Variants in C1orf87 observed in about 807,000 individuals in gnomAD.
C1orf87 encodes the protein uncharacterized protein C1orf87.
C1orf87 carries 58 observed loss-of-function variants against 60.5 expected under a neutral mutation model. The observed-to-expected ratio is 0.96, with a 90% CI of 0.78 to 1.19. The LOEUF (loss-of-function observed/expected upper bound fraction) is 1.19, where lower values mean the gene tolerates loss of function less well. C1orf87 is among the 50% of genes most tolerant of loss of function. The pLI is 0.00. For missense variants in C1orf87, 673 were observed against 638.6 expected, an observed-to-expected ratio of 1.05 and a Z score of -0.58; for synonymous variants, 236 against 227.4, an observed-to-expected ratio of 1.04 and a Z score of -0.34.
chr1:59,998,147 AG>A (rs1325811437), intron 10 of C1orf87, among the ~76,000 whole-genome samples: 8 of 137,382 alleles, frequency 5.8e-5, no homozygotes, highest in Non-Finnish European at 1.1e-4. Context: ...TGGGGTCTGC[AG>A]GGGGTAGACT....
chr1:60,030,320 G>T (rs1228771699), intron 7 of C1orf87, among the ~76,000 whole-genome samples: 5 of 152,164 alleles, frequency 3.3e-5, no homozygotes, highest in Non-Finnish European at 5.9e-5. Flanking sequence ...TACTTTTAAG[G>T]CAGAGCTTCC....
chr1:59,998,129 T>G (rs1266297990), intron 10 of C1orf87, among the ~76,000 whole-genome samples: 1 of 140,680 alleles, frequency 7.1e-6, no homozygotes, highest in African/African-American at 2.6e-5. Context: ...TACTCTGTTT[T>G]GTACTAGTGG....
intron 7 of C1orf87, among the ~76,000 whole-genome samples, chr1:60,032,429 C>CA (rs1645245026): frequency 7.8e-6 from 1 of 129,024 alleles, no homozygotes; most frequent in African/African-American, 2.8e-5. Context: ...CTTTGAGACT[C>CA]AGGTTTTTTT....
Position 59,990,453 on chromosome 1 carries a change from C to T in C1orf87, c.*220G>A. The T allele has an allele frequency of 5.4e-6, 2 of 372,118 alleles. No homozygotes were observed. The highest frequency in any genetic ancestry group is 4.2e-5 in the East Asian group (1 of 23,536). 23.1% of individuals were successfully genotyped at this position (372,118 alleles called of 1,614,324 possible). Reference sequence around the variant, plus strand: ...AGATTCTAAGTAGCTGGGTTCTTGCCACATCAAAAGATAAAACTAGGTTTC... The same window carrying T: ...AGATTCTAAGTAGCTGGGTTCTTGCTACATCAAAAGATAAAACTAGGTTTC... On this transcript the variant is annotated 3_prime_UTR_variant, in exon 12 of 12. Coordinates refer to ENST00000371201, the MANE Select transcript of C1orf87 (RefSeq NM_152377.3).
At chr1:60,033,109 T>G (rs1645250822) in intron 7 of C1orf87, among the ~76,000 whole-genome samples, 1 of 152,122 alleles carries the variant, frequency 6.6e-6, no homozygotes, top group Non-Finnish European at 1.5e-5. Context: ...TAAAATTTGG[T>G]TTTGCTAAGG....
At chr1:60,061,324 T>C (rs976245990) in intron 2 of C1orf87, among the ~76,000 whole-genome samples, 2 of 152,166 alleles carry the variant, frequency 1.3e-5, no homozygotes, top group Non-Finnish European at 2.9e-5. Flanking sequence ...TGAGAAGTTT[T>C]ATTTTGTTTC....
At chr1:60,033,005 T>C (rs1385128727) in intron 7 of C1orf87, among the ~76,000 whole-genome samples, 1 of 152,174 alleles carries the variant, frequency 6.6e-6, no homozygotes. Flanking sequence ...GTTTTTATGG[T>C]TCTGGATTAT....
At chr1:60,017,157 A>G (rs1271409314) in intron 8 of C1orf87, among the ~76,000 whole-genome samples, 1 of 152,248 alleles carries the variant, frequency 6.6e-6, no homozygotes, top group Non-Finnish European at 1.5e-5. Flanking sequence ...TGCAATAATT[A>G]AAAGAGTTAA....
At chr1:60,026,880 A>G (rs1220662748) in intron 7 of C1orf87, among the ~76,000 whole-genome samples, 2 of 152,188 alleles carry the variant, frequency 1.3e-5, no homozygotes, top group Non-Finnish European at 2.9e-5. Context: ...AAATTAATAC[A>G]ATTATTGTAT....
chr1:60,012,458 A>T (rs1454375540), intron 8 of C1orf87, among the ~76,000 whole-genome samples: 3 of 152,142 alleles, frequency 2.0e-5, no homozygotes, highest in African/African-American at 7.2e-5. Context: ...TGACCAATAC[A>T]ATTTTTAAGA....
chr1:60,064,584 A>C (rs1398847661), intron 2 of C1orf87, among the ~76,000 whole-genome samples: 1 of 115,576 alleles, frequency 8.7e-6, no homozygotes, highest in Non-Finnish European at 1.7e-5. Flanking sequence ...GATATATATC[A>C]TATATAATAT....
At chr1:60,003,263 T>C (rs1355373972) in intron 9 of C1orf87, among the ~76,000 whole-genome samples, 1 of 136,432 alleles carries the variant, frequency 7.3e-6, no homozygotes, top group African/African-American at 2.8e-5. Context: ...TAGGTGGGAA[T>C]TGAACAATGA....
At chr1:60,048,750 T>A (rs1645391361) in intron 3 of C1orf87, among the ~76,000 whole-genome samples, 1 of 151,994 alleles carries the variant, frequency 6.6e-6, no homozygotes, top group Non-Finnish European at 1.5e-5. Flanking sequence ...TCCTTCATTT[T>A]AAAAAACATA....
rs767420465 is a variant in C1orf87, at chr1:60,025,537, A to G, written c.1030-39T>C. On this transcript the variant is annotated intron_variant, in intron 7 of 11. Transcript: ENST00000371201. ...AAAAATAAAAAAGATTTGATGTTTC[A>G]CTAGGATACAAAATGTTTCAATAGA... 4 of 1,438,120 alleles carry G rather than the reference A, an allele frequency of 2.8e-6. No homozygotes were observed. The East Asian group carries it at 6.9e-5, about 25-fold the overall frequency. 89.1% of individuals were successfully genotyped at this position (1,438,120 alleles called of 1,614,324 possible).
chr1:60,047,452 G>T (rs1390512860), intron 3 of C1orf87, among the ~76,000 whole-genome samples: 2 of 152,092 alleles, frequency 1.3e-5, no homozygotes, highest in African/African-American at 2.4e-5. Context: ...TCTTAGGAAG[G>T]CTTTGTATCT....
At chr1:60,053,392 G>A (rs1028896327) in intron 3 of C1orf87, among the ~76,000 whole-genome samples, 1 of 152,138 alleles carries the variant, frequency 6.6e-6, no homozygotes, top group Admixed American at 6.6e-5. Flanking sequence ...ATGAACTAAA[G>A]ATAATAGGAG....
chr1:59,995,100 A>G (rs2100233034), intron 11 of C1orf87, among the ~76,000 whole-genome samples: 1 of 152,338 alleles, frequency 6.6e-6, no homozygotes, highest in South Asian at 2.1e-4. Flanking sequence ...ATCTGCCTCC[A>G]AAGTCAACAA....
chr1:60,054,254 G>A (rs1645436541), intron 3 of C1orf87, among the ~76,000 whole-genome samples: 1 of 152,120 alleles, frequency 6.6e-6, no homozygotes, highest in Admixed American at 6.5e-5. Context: ...TTTCATTTCT[G>A]GTCTTCAGTG....
intron 6 of C1orf87, among the ~76,000 whole-genome samples, chr1:60,036,722 A>G (rs189199750): frequency 7.2e-5 from 11 of 152,296 alleles, no homozygotes; most frequent in African/African-American, 2.2e-4. Flanking sequence ...AACCACTGCA[A>G]TTTGTCACCT....
Sources: gnomAD v4.1 joint callset for allele counts (sites outside exome capture counted in the v4.1 genomes callset) on GRCh38, gnomAD v4.1.1 for gene constraint, MANE v1.5 for transcripts, NCBI Gene and HGNC (gene_info 2026-07-23, HGNC 2026-07-21) for gene names.